The following SHISA9 variants were observed in gnomAD, a reference collection of about 807,000 sequenced individuals.
SHISA9 encodes protein shisa-9.
A neutral mutation model predicts 38.0 loss-of-function variants in SHISA9; 13 were observed. The ratio of observed to expected loss-of-function variants is 0.34; its 90% CI spans 0.22 to 0.54. The LOEUF (loss-of-function observed/expected upper bound fraction) is 0.54, where lower values mean the gene tolerates loss of function less well. Among genes scored for constraint, SHISA9 ranks in the 20% least tolerant of loss-of-function variants. SHISA9 has a pLI of 0.91. For synonymous variants in SHISA9, 275 were observed against 242.0 expected, an observed-to-expected ratio of 1.14 and a Z score of -1.27; for missense variants, 538 against 575.8, an observed-to-expected ratio of 0.93 and a Z score of 0.67.
chr16:13,040,781 G>A (rs962507453), intron 2 of SHISA9, among the ~76,000 whole-genome samples: 2 of 152,166 alleles, frequency 1.3e-5, no homozygotes, highest in Admixed American at 1.3e-4. Flanking sequence ...GGGCCCTTAG[G>A]TGTAGATTTT....
At chr16:13,251,060 C>T in the SHISA9 span, among the ~76,000 whole-genome samples, 2 of 152,108 alleles carry the variant, frequency 1.3e-5, no homozygotes. Flanking sequence ...TTCACCTGCA[C>T]GATAGGGTTC....
the SHISA9 span, among the ~76,000 whole-genome samples, chr16:13,502,508 C>T: frequency 8.5e-5 from 13 of 152,078 alleles, no homozygotes; most frequent in Non-Finnish European, 1.5e-4. Context: ...CGTCTGGGCA[C>T]AGTACTAGAT....
At chr16:13,338,634 T>A in the SHISA9 span, among the ~76,000 whole-genome samples, 15 of 152,138 alleles carry the variant, frequency 9.9e-5, no homozygotes, top group African/African-American at 3.4e-4. Flanking sequence ...TTCTGCTAGT[T>A]GGTTCCAGGG....
chr16:13,357,596 A>T, the SHISA9 span, among the ~76,000 whole-genome samples: 3 of 152,202 alleles, frequency 2.0e-5, no homozygotes, highest in African/African-American at 7.2e-5. Flanking sequence ...CCGTGTGAAG[A>T]GACCACCAAA....
intron 2 of SHISA9, among the ~76,000 whole-genome samples, chr16:13,190,702 C>T (rs536169788): frequency 5.3e-5 from 8 of 152,236 alleles, no homozygotes; most frequent in African/African-American, 9.6e-5. Flanking sequence ...GCAGCACAAC[C>T]GGGATTTTGA....
chr16:12,963,931 G>A (rs2071944704), intron 2 of SHISA9, among the ~76,000 whole-genome samples: 1 of 152,188 alleles, frequency 6.6e-6, no homozygotes, highest in Non-Finnish European at 1.5e-5. Flanking sequence ...CCTTCCCTCT[G>A]GTCCTCACCA....
At chr16:13,334,460 T>A in the SHISA9 span, among the ~76,000 whole-genome samples, 22 of 152,120 alleles carry the variant, frequency 1.4e-4, no homozygotes, top group Non-Finnish European at 2.2e-4. Context: ...AGTCCCTAGC[T>A]CTTGGATTTA....
intron 2 of SHISA9, among the ~76,000 whole-genome samples, chr16:12,939,591 C>T (rs574026626): frequency 5.3e-5 from 8 of 152,272 alleles, no homozygotes; most frequent in South Asian, 2.1e-4. Flanking sequence ...TTTATACTCA[C>T]GGAGGTTGTC....
chr16:13,455,274 C>T, the SHISA9 span, among the ~76,000 whole-genome samples: 200 of 152,314 alleles, frequency 1.3e-3, no homozygotes, highest in Non-Finnish European at 2.2e-3. Context: ...CAGCCTTCCT[C>T]TCCATTGTCC....
At chr16:13,123,512 T>C in intron 2 of SHISA9, among the ~76,000 whole-genome samples, 1 of 152,168 alleles carries the variant, frequency 6.6e-6, no homozygotes, top group Non-Finnish European at 1.5e-5. Context: ...AAGTGGCTGT[T>C]CTAAGTAACA....
chr16:13,193,376 G>A (rs1567242339), intron 2 of SHISA9, among the ~76,000 whole-genome samples: 1 of 152,150 alleles, frequency 6.6e-6, no homozygotes, highest in East Asian at 1.9e-4. Context: ...TTTTTAGATG[G>A]AGTCTTGCTC....
At chr16:13,494,276 C>T in the SHISA9 span, among the ~76,000 whole-genome samples, 1 of 152,166 alleles carries the variant, frequency 6.6e-6, no homozygotes, top group South Asian at 2.1e-4. Flanking sequence ...GTCTGTCCAA[C>T]AGCAGAATAG....
intron 3 of SHISA9, among the ~76,000 whole-genome samples, chr16:13,209,371 G>T (rs2051096952): frequency 6.6e-6 from 1 of 152,122 alleles, no homozygotes; most frequent in African/African-American, 2.4e-5. Context: ...TCATGTCAGG[G>T]ATCTGATAAA....
At chr16:13,231,718 G>C (rs937131690) in intron 4 of SHISA9, among the ~76,000 whole-genome samples, 1 of 152,198 alleles carries the variant, frequency 6.6e-6, no homozygotes, top group African/African-American at 2.4e-5. Context: ...GCAGTAGTCC[G>C]AGTGGAGGCC....
the SHISA9 span, among the ~76,000 whole-genome samples, chr16:13,386,344 C>T: frequency 6.6e-6 from 1 of 152,160 alleles, no homozygotes; most frequent in African/African-American, 2.4e-5. Context: ...ATCTCCTCCA[C>T]CTCACCCTGG....
At chr16:13,155,054 A>G (rs1222200665) in intron 2 of SHISA9, among the ~76,000 whole-genome samples, 1 of 152,226 alleles carries the variant, frequency 6.6e-6, no homozygotes. Flanking sequence ...AAGACAATGA[A>G]ATAATGACAT....
At chr16:13,310,338 A>C in the SHISA9 span, among the ~76,000 whole-genome samples, 1 of 152,222 alleles carries the variant, frequency 6.6e-6, no homozygotes, top group Non-Finnish European at 1.5e-5. Flanking sequence ...TAGGACATAA[A>C]AAATGTTTAA....
At chr16:12,991,204 T>TA (rs562309880) in intron 2 of SHISA9, among the ~76,000 whole-genome samples, 1,598 of 152,362 alleles carry the variant, frequency 0.01, 9 homozygotes, top group Non-Finnish European at 0.015. Context: ...CCCATTTTTC[T>TA]ACTGAAGTTG....
the SHISA9 span, among the ~76,000 whole-genome samples, chr16:13,261,862 C>T: frequency 6.6e-6 from 1 of 152,126 alleles, no homozygotes; most frequent in Non-Finnish European, 1.5e-5. Flanking sequence ...CATCTGTAGC[C>T]AGAATTAGAT....
Sources: gnomAD v4.1 joint callset for allele counts (sites outside exome capture counted in the v4.1 genomes callset) on GRCh38, gnomAD v4.1.1 for gene constraint, MANE v1.5 for transcripts, NCBI Gene and HGNC (gene_info 2026-07-23, HGNC 2026-07-21) for gene names.